Variants in TTLL3 observed in about 807,000 individuals in gnomAD.
TTLL3 encodes the protein tubulin monoglycylase TTLL3.
In TTLL3, 63 loss-of-function variants were observed where a neutral mutation model predicts 75.2. That is an observed-to-expected ratio of 0.84 (90% CI 0.68 to 1.03). TTLL3 has a LOEUF of 1.03. TTLL3 is among the 50% of genes least tolerant of loss of function. The probability of loss-of-function intolerance (pLI) is 0.00; values close to 1 mark genes in which losing one functional copy is unlikely to be tolerated. For missense variants in TTLL3, 997 were observed against 1,069.9 expected, an observed-to-expected ratio of 0.93 and a Z score of 0.95; for synonymous variants, 393 against 418.5, an observed-to-expected ratio of 0.94 and a Z score of 0.74.
rs1179190681 is a variant in TTLL3 at position 9,827,090 on chromosome 3, A to G, written c.1097A>G (p.Tyr366Cys). The change falls in exon 10 of 14, where the codon TAT becomes TGT. Residue 366 changes from tyrosine to cysteine, a missense_variant. Tyr to Cys is a radical substitution (Grantham distance 194). Transcript: ENST00000685419. ...MKDGKWVVQK[Y>C]IERPLLIFGT... Reference sequence around the variant, plus strand: ...GACGGCAAGTGGGTGGTGCAGAAGTATATTGAGCGGCCCCTCCTCATCTTT... The same window carrying G: ...GACGGCAAGTGGGTGGTGCAGAAGTGTATTGAGCGGCCCCTCCTCATCTTT... 1.2e-6 allele frequency: 2 copies of G among 1,614,096 alleles called. No individual in the cohort carries two copies. Among genetic ancestry groups the G allele is most frequent in the Non-Finnish European group, 1.7e-6 (2 of 1,180,044 alleles).
At chr3:9,817,509 T>C in intron 5 of TTLL3, 136 bp from the exon 6 acceptor site, 1 of 1,534,154 alleles carries the variant, frequency 6.5e-7, no homozygotes, top group Non-Finnish European at 8.8e-7. Context: ...TATATGGTGA[T>C]AGATGTGAGC....
intron 2 of TTLL3, among the ~76,000 whole-genome samples, chr3:9,811,021 G>A (rs1163978327): frequency 6.6e-6 from 1 of 152,032 alleles, no homozygotes; most frequent in Non-Finnish European, 1.5e-5. Context: ...CGACACCGCT[G>A]CCCCACACAC....
At position 9,810,688 on chromosome 3, in the gene TTLL3, C is replaced by G. The variant is rs1375425883; in HGVS notation, c.27C>G (p.Ile9Met). Residue 9 changes from isoleucine to methionine, a missense_variant, in exon 2 of 14, where the codon ATC (isoleucine) becomes ATG (methionine). Transcript: ENST00000685419. The surrounding 1 kb of genome is among the most constrained non-coding windows in gnomAD (Gnocchi z 4.4). ...TGAACCGGCTCAGAAACGCCAAAAT[C>G]TACGTGGAGAGAGCTGTCAAGGTCA... MNRLRNAK[I>M]YVERAVKQKK... is the part of the protein sequence containing the mutation. 1.9e-6 allele frequency: 3 copies of G among 1,587,792 alleles called. No individual in the cohort carries two copies. The highest frequency in any genetic ancestry group is 3.6e-5 in the Admixed American group (2 of 54,968).
At chr3:9,828,851 G>C in intron 10 of TTLL3, 109 bp from the exon 11 acceptor site, 1 of 1,407,376 alleles carries the variant, frequency 7.1e-7, no homozygotes, top group South Asian at 1.4e-5. Context: ...ATCTCAAGTT[G>C]AATAGTGCAG....
At chr3:9,813,829 G>GGGGA in intron 4 of TTLL3, among the ~76,000 whole-genome samples, 1 of 152,138 alleles carries the variant, frequency 6.6e-6, no homozygotes, top group East Asian at 1.9e-4. Flanking sequence ...CCCACAGAGT[G>GGGGA]GGGAGGGACA....
chr3:9,814,715 G>A (rs1171472613), intron 4 of TTLL3, among the ~76,000 whole-genome samples: 1 of 152,050 alleles, frequency 6.6e-6, no homozygotes, highest in East Asian at 1.9e-4. Context: ...CAGCTACTCG[G>A]GAGGCTGAGG....
rs890984586 is a variant in TTLL3 at position 9,834,929 on chromosome 3, A to C, written c.2052+22A>C. 1.9e-6 allele frequency: 3 copies of C among 1,614,050 alleles called. No homozygotes were observed. The African/African-American group carries it at 4.0e-5, about 22-fold the overall frequency. On this transcript the variant is annotated intron_variant, in intron 13 of 13. Coordinates refer to ENST00000685419, the MANE Select transcript of TTLL3 (RefSeq NM_001387446.1). The stretch of plus-strand genomic sequence containing the variant: ...AAAGGTGGGCCTCGACCTGTGACTC[A>C]CACCCAGTGGACAGTGCTGAGCACG...
chr3:9,824,446 C>T (rs908772727), intron 8 of TTLL3, among the ~76,000 whole-genome samples: 14 of 152,278 alleles, frequency 9.2e-5, no homozygotes, highest in African/African-American at 2.6e-4. Context: ...AGCCTCGCTC[C>T]GTTGCCCACA....
intron 5 of TTLL3, chr3:9,817,381 GCCACTGCA>G (rs1394002347): frequency 1.0e-6 from 1 of 952,444 alleles, no homozygotes; most frequent in Non-Finnish European, 1.2e-6. Flanking sequence ...CCGAGATCGC[GCCACTGCA>G]CTCCAGCCTG....
chr3:9,825,658 A>G, intron 8 of TTLL3, 142 bp from the exon 9 acceptor site: 5 of 1,478,236 alleles, frequency 3.4e-6, no homozygotes, highest in Non-Finnish European at 4.6e-6. Context: ...GAGGCTTGGG[A>G]GGGACCTATG....
chr3:9,828,823 C>A, intron 10 of TTLL3, 137 bp from the exon 11 acceptor site: 2 of 1,118,884 alleles, frequency 1.8e-6, no homozygotes, highest in South Asian at 1.6e-5. Context: ...TCCTTTTTGT[C>A]CTTCCCAGTA....
chr3:9,826,145 A>G (rs1262495448), intron 9 of TTLL3, among the ~76,000 whole-genome samples, 197 bp downstream of exon 9: 2 of 152,196 alleles, frequency 1.3e-5, no homozygotes, highest in Non-Finnish European at 2.9e-5. Context: ...CTGTGACATG[A>G]GGAGGATGAT....
intron 8 of TTLL3, among the ~76,000 whole-genome samples, chr3:9,823,308 C>A (rs1438888108): frequency 6.6e-6 from 1 of 151,824 alleles, no homozygotes; most frequent in African/African-American, 2.4e-5. Flanking sequence ...GGCGTGAACC[C>A]AGAAGGCGGA....
chr3:9,835,612 C>G lies in TTLL3; in HGVS notation c.*123C>G. 1.0e-6 allele frequency: 1 copy of G among 980,704 alleles called. No individual in the cohort carries two copies. The allele number at this position is 980,704 out of a possible 1,614,324, so 60.8% of individuals were successfully genotyped here. A position where few individuals can be genotyped will look rare whatever the true frequency, so the allele number is the denominator to read the frequency against. On this transcript the variant is annotated 3_prime_UTR_variant, in exon 14 of 14. Coordinates refer to ENST00000685419, the MANE Select transcript of TTLL3 (RefSeq NM_001387446.1). Reference sequence around the variant, plus strand: ...CAGGGGTGGGGAGCGTGAGCCTTCACTTTACAGATGAAGAAACTGAGTCTG... The same window carrying G: ...CAGGGGTGGGGAGCGTGAGCCTTCAGTTTACAGATGAAGAAACTGAGTCTG...
chr3:9,822,522 ATATTT>A (rs926551527), intron 8 of TTLL3, among the ~76,000 whole-genome samples: 4 of 150,966 alleles, frequency 2.6e-5, no homozygotes, highest in African/African-American at 9.7e-5. Context: ...CATTCCCTCA[ATATTT>A]TATTTTATTT....
intron 12 of TTLL3, 38 bp downstream of exon 12, chr3:9,833,283 T>C: frequency 8.7e-6 from 14 of 1,610,762 alleles, no homozygotes; most frequent in Non-Finnish European, 1.1e-5. Flanking sequence ...GGTCAGCTTC[T>C]AGGAAAGGCA....
chr3:9,834,026 C>T lies in TTLL3; in HGVS notation c.1826-655C>T, dbSNP rs992825848. On this transcript the variant is annotated intron_variant, in intron 12 of 13. Coordinates refer to ENST00000685419, the MANE Select transcript of TTLL3 (RefSeq NM_001387446.1). ...ACTTGGGAGACTGAGGCACGAGAATCGCTTGAACCCAGGAAGCGGAGGTTG... is the reference window on the plus strand; with the variant it reads ...ACTTGGGAGACTGAGGCACGAGAATTGCTTGAACCCAGGAAGCGGAGGTTG... 1.9e-5 allele frequency: 4 copies of T among 206,112 alleles called. No homozygotes were observed. In the Admixed American group the frequency reaches 2.1e-4, roughly 11 times the overall value. The allele number at this position is 206,112 out of a possible 1,614,324, so 12.8% of individuals were successfully genotyped here. A position where few individuals can be genotyped will look rare whatever the true frequency, so the allele number is the denominator to read the frequency against.
At chr3:9,831,796 ATT>A (rs35972221) in intron 11 of TTLL3, among the ~76,000 whole-genome samples, 21,058 of 123,556 alleles carry the variant, frequency 0.17, 1,749 homozygotes, top group African/African-American at 0.21. Flanking sequence ...TTTTTATTTG[ATT>A]TTTTTTTTTT....
At position 9,825,337 on chromosome 3, in the gene TTLL3, CAAA is replaced by C. The variant is rs34409771; in HGVS notation, c.855-448_855-446del. On this transcript the variant is annotated intron_variant, in intron 8 of 13. Coordinates refer to ENST00000685419, the MANE Select transcript of TTLL3 (RefSeq NM_001387446.1). ...TGGGTGACAGACCAAGACCCTGTCT[CAAA>C]AAAAAAAAAAAAAAGTCGGGGGGTA... The C allele has an allele frequency of 4.9e-3, 593 of 120,714 alleles. 1 individual carries two copies. Among genetic ancestry groups the C allele is most frequent in the Middle Eastern group, 0.028 (6 of 212 alleles). The allele number at this position is 120,714 out of a possible 1,614,324, so 7.5% of individuals were successfully genotyped here.
Sources: gnomAD v4.1 joint callset for allele counts (sites outside exome capture counted in the v4.1 genomes callset) on GRCh38, gnomAD v4.1.1 for gene constraint, Gnocchi (gnomAD v3.1) non-coding constraint, MANE v1.5 for transcripts, NCBI Gene and HGNC (gene_info 2026-07-23, HGNC 2026-07-21) for gene names.